RGS6: variants seen among roughly 807,000 people sequenced by gnomAD.
The protein encoded by RGS6 is regulator of G-protein signaling 6.
Under a neutral mutation model 78.5 loss-of-function variants are expected in RGS6, and 30 were observed. The observed-to-expected ratio is 0.38, with a 90% CI of 0.29 to 0.52. The LOEUF (loss-of-function observed/expected upper bound fraction) is 0.52, where lower values mean the gene tolerates loss of function less well. Ranked by LOEUF, RGS6 falls within the 20% of genes least tolerant of loss-of-function variation. The pLI is 0.85. For missense variants in RGS6, 495 were observed against 609.7 expected (o/e 0.81, Z 1.98); for synonymous variants, 206 against 206.0 (o/e 1.00, Z 0.00).
At chr14:72,508,721 A>G (rs2153443483) in intron 13 of RGS6, among the ~76,000 whole-genome samples, 1 of 152,190 alleles carries the variant, frequency 6.6e-6, no homozygotes, top group Admixed American at 6.5e-5. Context: ...AGGAAAAATG[A>G]GTATTGCTAG....
chr14:72,504,829 C>G (rs143890864), intron 13 of RGS6, among the ~76,000 whole-genome samples: 3,526 of 151,412 alleles, frequency 0.023, 55 homozygotes, highest in Non-Finnish European at 0.035. Flanking sequence ...TCTCAGCTCA[C>G]TGCAACCTCC....
the RGS6 span, among the ~76,000 whole-genome samples, chr14:71,878,095 G>A: frequency 6.6e-6 from 1 of 152,302 alleles, no homozygotes; most frequent in African/African-American, 2.4e-5. Flanking sequence ...GCCCCTACTG[G>A]GAGGTGCCTC....
At chr14:72,024,577 G>T (rs1567043038) in intron 2 of RGS6, among the ~76,000 whole-genome samples, 1 of 152,090 alleles carries the variant, frequency 6.6e-6, no homozygotes, top group Non-Finnish European at 1.5e-5. Flanking sequence ...GAAAAACTTG[G>T]TACCCCTGTG....
intron 12 of RGS6, among the ~76,000 whole-genome samples, chr14:72,481,492 T>A (rs2096376745): frequency 6.6e-6 from 1 of 152,180 alleles, no homozygotes; most frequent in Admixed American, 6.5e-5. Context: ...CATGTCTCCT[T>A]CCACTGCCTC....
intron 17 of RGS6, chr14:72,540,586 T>C: frequency 2.0e-6 from 3 of 1,519,264 alleles, no homozygotes; most frequent in Non-Finnish European, 1.8e-6. Context: ...CGGCTTTTGC[T>C]GTGTGCAGAA....
chr14:71,964,712 T>C, intron 1 of RGS6, 60 bp from the exon 2 acceptor site: 1 of 1,185,876 alleles, frequency 8.4e-7, no homozygotes. Context: ...TCTTTGCATT[T>C]CAAAGCCCTC....
At chr14:72,112,423 G>T (rs1417721995) in intron 2 of RGS6, among the ~76,000 whole-genome samples, 2 of 152,184 alleles carry the variant, frequency 1.3e-5, no homozygotes, top group Non-Finnish European at 2.9e-5. Flanking sequence ...GGTCACAAAG[G>T]TGCTGAGTGG....
intron 3 of RGS6, among the ~76,000 whole-genome samples, chr14:72,382,738 G>A (rs554695212): frequency 6.6e-6 from 1 of 152,294 alleles, no homozygotes; most frequent in East Asian, 1.9e-4. Context: ...TAGTCATATG[G>A]TAGAATTATA....
At chr14:71,922,167 T>C in the RGS6 span, among the ~76,000 whole-genome samples, 1 of 152,252 alleles carries the variant, frequency 6.6e-6, no homozygotes, top group African/African-American at 2.4e-5. Context: ...CTTTGGTCAA[T>C]GGCAGTATCA....
Position 72,454,639 on chromosome 14 carries a change from G to C in RGS6, c.235+61G>C, listed in dbSNP as rs2095583150. On this transcript the variant is annotated intron_variant, in intron 4 of 17. Coordinates refer to ENST00000553525, the MANE Select transcript of RGS6 (RefSeq NM_001204424.2). ...GTATCAGTAAACATCCCATAACCAAGTTCCAAACTAGATTCCCCTGCCCTC... is the reference window on the plus strand; with the variant it reads ...GTATCAGTAAACATCCCATAACCAACTTCCAAACTAGATTCCCCTGCCCTC... 8.5e-6 allele frequency: 12 copies of C among 1,412,602 alleles called. No homozygotes were observed. In the South Asian group the frequency reaches 1.4e-4, roughly 16 times the overall value. 87.5% of individuals were successfully genotyped at this position (1,412,602 alleles called of 1,614,324 possible). A position where few individuals can be genotyped will look rare whatever the true frequency, so the allele number is the denominator to read the frequency against.
At chr14:72,257,304 T>C (rs1324273273) in intron 2 of RGS6, among the ~76,000 whole-genome samples, 2 of 152,242 alleles carry the variant, frequency 1.3e-5, no homozygotes, top group Admixed American at 6.5e-5. Flanking sequence ...TTCATGTCCA[T>C]GTAAATGAGG....
chr14:72,372,285 G>A (rs749033137), intron 3 of RGS6, among the ~76,000 whole-genome samples: 1 of 152,078 alleles, frequency 6.6e-6, no homozygotes, highest in Non-Finnish European at 1.5e-5. Flanking sequence ...GGCATGTTTT[G>A]TACAAATAAA....
At chr14:72,352,722 A>G (rs1596153952) in intron 3 of RGS6, among the ~76,000 whole-genome samples, 1 of 152,142 alleles carries the variant, frequency 6.6e-6, no homozygotes, top group Non-Finnish European at 1.5e-5. Context: ...AAAAATAATA[A>G]AACACAGTAC....
At chr14:72,266,756 G>A (rs1238814386) in intron 2 of RGS6, among the ~76,000 whole-genome samples, 1 of 152,142 alleles carries the variant, frequency 6.6e-6, no homozygotes, top group Non-Finnish European at 1.5e-5. Context: ...CTTCCTAGGG[G>A]TGTCAGGTTG....
intron 2 of RGS6, among the ~76,000 whole-genome samples, chr14:71,995,368 G>C (rs189964294): frequency 4.1e-4 from 63 of 152,334 alleles, no homozygotes; most frequent in African/African-American, 1.5e-3. Flanking sequence ...GGTCCTGTTT[G>C]ACATCGCATG....
chr14:72,211,583 A>G (rs1349355366), intron 2 of RGS6, among the ~76,000 whole-genome samples: 2 of 152,240 alleles, frequency 1.3e-5, no homozygotes, highest in African/African-American at 4.8e-5. Context: ...GCTTATTGGA[A>G]GGATTCAGCT....
chr14:71,871,335 T>C, the RGS6 span, among the ~76,000 whole-genome samples: 22,553 of 152,178 alleles, frequency 0.15, 1,786 homozygotes, highest in East Asian at 0.27. Flanking sequence ...ACAGAGACTA[T>C]AGACATGTGC....
At chr14:71,899,495 C>T in the RGS6 span, among the ~76,000 whole-genome samples, 148 of 152,282 alleles carry the variant, frequency 9.7e-4, no homozygotes, top group Middle Eastern at 3.4e-3. Context: ...TGTTTAGGTA[C>T]GGTACACTCA....
intron 13 of RGS6, among the ~76,000 whole-genome samples, chr14:72,499,716 T>C (rs999844034): frequency 6.6e-6 from 1 of 152,114 alleles, no homozygotes. Context: ...CTTTTGCCTG[T>C]TCCCTCCTCG....
Sources: gnomAD v4.1 joint callset for allele counts (sites outside exome capture counted in the v4.1 genomes callset) on GRCh38, gnomAD v4.1.1 for gene constraint, MANE v1.5 for transcripts, NCBI Gene and HGNC (gene_info 2026-07-23, HGNC 2026-07-21) for gene names.